DNAAF9: variants seen among roughly 807,000 people sequenced by gnomAD.
The protein encoded by DNAAF9 is shulin.
In DNAAF9, 90 loss-of-function variants were observed where a neutral mutation model predicts 167.0. That is an observed-to-expected ratio of 0.54 (90% CI 0.45 to 0.64). The LOEUF (loss-of-function observed/expected upper bound fraction) is 0.64, where lower values mean the gene tolerates loss of function less well. Ranked by LOEUF, DNAAF9 falls within the 30% of genes least tolerant of loss-of-function variation. The probability of loss-of-function intolerance (pLI) is 0.00; values close to 1 mark genes in which losing one functional copy is unlikely to be tolerated. For synonymous variants in DNAAF9, 491 were observed against 508.8 expected, an observed-to-expected ratio of 0.96 and a Z score of 0.47; for missense variants, 1,315 against 1,442.2, an observed-to-expected ratio of 0.91 and a Z score of 1.43.
intron 30 of DNAAF9, among the ~76,000 whole-genome samples, chr20:3,267,104 G>A (rs140942645): frequency 7.1e-4 from 106 of 150,276 alleles, no homozygotes; most frequent in African/African-American, 2.5e-3. Context: ...TGCCTGCCTC[G>A]GCCTCCCAAA....
At chr20:3,375,214 GTCCCAAATGACAT>G in intron 4 of DNAAF9, 88 bp from the exon 5 acceptor site, 1 of 856,030 alleles carries the variant, frequency 1.2e-6, no homozygotes, top group South Asian at 1.4e-5. Context: ...AACCAGAGTT[GTCCCAAATGACAT>G]TTACAGAGGA....
chr20:3,394,723 A>G (rs1484298909), intron 1 of DNAAF9, among the ~76,000 whole-genome samples: 3 of 152,070 alleles, frequency 2.0e-5, no homozygotes, highest in Non-Finnish European at 4.4e-5. Context: ...CACTTTCAGA[A>G]TTTGCTAAAC....
At chr20:3,324,760 C>G (rs987391014) in intron 14 of DNAAF9, 132 bp downstream of exon 14, 7 of 640,932 alleles carry the variant, frequency 1.1e-5, no homozygotes, top group Non-Finnish European at 1.9e-5. Flanking sequence ...ATGAATGATT[C>G]TCCTTCACAC....
chr20:3,395,357 T>C (rs2083892606), intron 1 of DNAAF9, among the ~76,000 whole-genome samples: 1 of 151,972 alleles, frequency 6.6e-6, no homozygotes, highest in African/African-American at 2.4e-5. Context: ...CTCAGCTCAC[T>C]GCAACCTCCA....
At chr20:3,388,374 A>G (rs2083780330) in intron 1 of DNAAF9, among the ~76,000 whole-genome samples, 1 of 152,210 alleles carries the variant, frequency 6.6e-6, no homozygotes, top group Non-Finnish European at 1.5e-5. Context: ...GAATTACCAC[A>G]TGATCTAGAA....
At chr20:3,364,524 T>G (rs1178425010) in intron 6 of DNAAF9, among the ~76,000 whole-genome samples, 1 of 152,166 alleles carries the variant, frequency 6.6e-6, no homozygotes, top group African/African-American at 2.4e-5. Context: ...CAGGGCCCAG[T>G]GAATTACAGG....
intron 29 of DNAAF9, among the ~76,000 whole-genome samples, chr20:3,274,809 A>G (rs2068651363): frequency 6.6e-6 from 1 of 152,152 alleles, no homozygotes; most frequent in African/African-American, 2.4e-5. Flanking sequence ...TGGCTGTGGC[A>G]TTGGGTCTTG....
intron 6 of DNAAF9, chr20:3,362,021 G>A: frequency 6.7e-7 from 1 of 1,499,318 alleles, no homozygotes; most frequent in South Asian, 1.1e-5. Context: ...TGGCTCTTGG[G>A]TCCACCACTC....
At chr20:3,296,175 G>C in intron 23 of DNAAF9, 1 of 575,360 alleles carries the variant, frequency 1.7e-6, no homozygotes, top group Non-Finnish European at 3.4e-6. Context: ...CCTGCTAAGC[G>C]GGAGGATAAC....
At chr20:3,283,783 T>G (rs2068802183) in intron 27 of DNAAF9, among the ~76,000 whole-genome samples, 2 of 146,010 alleles carry the variant, frequency 1.4e-5, no homozygotes, top group African/African-American at 5.1e-5. Flanking sequence ...GAGACTTCAG[T>G]GTAAGCAGTA....
intron 8 of DNAAF9, among the ~76,000 whole-genome samples, chr20:3,348,295 C>A (rs2208027): frequency 0.062 from 9,428 of 152,096 alleles, 373 homozygotes; most frequent in Non-Finnish European, 0.082. Flanking sequence ...CCTGGCACCA[C>A]CACACTGCAA....
chr20:3,394,394 T>G (rs1213831516), intron 1 of DNAAF9, among the ~76,000 whole-genome samples: 1 of 151,894 alleles, frequency 6.6e-6, no homozygotes, highest in Non-Finnish European at 1.5e-5. Flanking sequence ...TTTTCTCCAA[T>G]TCTCTAGATT....
chr20:3,371,007 T>A (rs186570688), intron 6 of DNAAF9, among the ~76,000 whole-genome samples: 1 of 152,292 alleles, frequency 6.6e-6, no homozygotes, highest in Admixed American at 6.5e-5. Context: ...TTCCTTTCAA[T>A]ATCACCAATT....
At chr20:3,399,500 G>A (rs575580536) in intron 1 of DNAAF9, among the ~76,000 whole-genome samples, 27 of 152,122 alleles carry the variant, frequency 1.8e-4, no homozygotes, top group African/African-American at 3.9e-4. Flanking sequence ...GAGCCACTGC[G>A]CCCGGCCTCC....
rs11087581 is a variant in DNAAF9, at chr20:3,383,271, CTTTTTTT to C, written c.84-772_84-766del. ...TGCCTCTAATACTCATTCCCTAACA[CTTTTTTT>C]TTTTTTTTTTTTTGAGATGGAGTCT... On this transcript the variant is annotated intron_variant, in intron 1 of 36. Coordinates refer to ENST00000252032, the MANE Select transcript of DNAAF9 (RefSeq NM_001009984.3). 7.9e-5 allele frequency among the ~76,000 whole-genome samples: 9 copies of C among 114,360 alleles called. No individual in the cohort carries two copies. In the East Asian group the frequency reaches 2.0e-3, roughly 25 times the overall value. The allele number at this position is 114,360 out of a possible 152,430, so 75.0% of individuals were successfully genotyped here. A position where few individuals can be genotyped will look rare whatever the true frequency, so the allele number is the denominator to read the frequency against.
At chr20:3,338,060 CAT>C (rs1178376038) in intron 10 of DNAAF9, among the ~76,000 whole-genome samples, 1 of 148,394 alleles carries the variant, frequency 6.7e-6, no homozygotes, top group East Asian at 1.9e-4. Flanking sequence ...TGCACACATA[CAT>C]AGTGTATATA....
In DNAAF9 at chr20:3,340,801, G is replaced by A. The variant is rs569017977; in HGVS notation, c.846-162C>T. ...CGAATATCCTTGGCTGGTTGGAAAC[G>A]GATGCCAGCTGTCTCCCTACTGACC... On this transcript the variant is annotated intron_variant, in intron 9 of 36. Coordinates refer to ENST00000252032, the MANE Select transcript of DNAAF9 (RefSeq NM_001009984.3). 103 of 629,972 alleles carry A rather than the reference G, an allele frequency of 1.6e-4. 3 individuals are homozygous for A. In the South Asian group the frequency reaches 1.8e-3, roughly 11 times the overall value. The allele number at this position is 629,972 out of a possible 1,614,324, so 39.0% of individuals were successfully genotyped here. A position where few individuals can be genotyped will look rare whatever the true frequency, so the allele number is the denominator to read the frequency against.
At chr20:3,268,730 T>C (rs2068532051) in intron 30 of DNAAF9, among the ~76,000 whole-genome samples, 1 of 152,104 alleles carries the variant, frequency 6.6e-6, no homozygotes, top group Non-Finnish European at 1.5e-5. Context: ...AAAACTACAT[T>C]AAAAAGGTAT....
chr20:3,372,984 C>CAG (rs772874184), intron 6 of DNAAF9, among the ~76,000 whole-genome samples: 4 of 152,338 alleles, frequency 2.6e-5, no homozygotes, highest in East Asian at 1.9e-4. Context: ...TGCCTCCCTT[C>CAG]AAGCCCCTAC....
Sources: gnomAD v4.1 joint callset for allele counts (sites outside exome capture counted in the v4.1 genomes callset) on GRCh38, gnomAD v4.1.1 for gene constraint, MANE v1.5 for transcripts, NCBI Gene and HGNC (gene_info 2026-07-23, HGNC 2026-07-21) for gene names.